Variants in GRIK2 observed in about 807,000 individuals in gnomAD.
GRIK2 encodes the protein glutamate receptor ionotropic, kainate 2.
A neutral mutation model predicts 100.3 loss-of-function variants in GRIK2; 32 were observed. The observed-to-expected ratio is 0.32, with a 90% CI of 0.24 to 0.43. The LOEUF is 0.43. Ranked by LOEUF, GRIK2 falls within the 20% of genes least tolerant of loss-of-function variation. GRIK2 has a pLI of 1.00. For synonymous variants in GRIK2, 417 were observed against 389.4 expected, an observed-to-expected ratio of 1.07 and a Z score of -0.83; for missense variants, 843 against 1,114.9, an observed-to-expected ratio of 0.76 and a Z score of 3.47.
intron 7 of GRIK2, among the ~76,000 whole-genome samples, chr6:101,743,964 A>T (rs547959647): frequency 6.6e-6 from 1 of 152,130 alleles, no homozygotes; most frequent in African/African-American, 2.4e-5. Context: ...TTATTTTGAG[A>T]TGGAGTCTCA....
chr6:101,790,635 C>T (rs1240210602), intron 7 of GRIK2, among the ~76,000 whole-genome samples: 1 of 147,494 alleles, frequency 6.8e-6, no homozygotes, highest in Non-Finnish European at 1.5e-5. Flanking sequence ...ATTTTTGCAT[C>T]AATGTTCATC....
chr6:101,496,140 T>C (rs896661894), intron 2 of GRIK2, among the ~76,000 whole-genome samples: 3 of 151,954 alleles, frequency 2.0e-5, no homozygotes, highest in African/African-American at 7.3e-5. Context: ...AGAGATGGGG[T>C]TTCACCATGT....
At chr6:101,628,312 A>AGAAT (rs1296649381) in intron 4 of GRIK2, among the ~76,000 whole-genome samples, 5 of 152,048 alleles carry the variant, frequency 3.3e-5, no homozygotes, top group Non-Finnish European at 7.4e-5. Context: ...TCAATTAGAT[A>AGAAT]AGAAAGAGTG....
chr6:101,924,647 T>C lies in GRIK2; in HGVS notation c.1795T>C (p.Ser599Pro). The change falls in exon 13 of 17, where the codon TCA becomes CCA. Residue 599 changes from serine to proline, a missense_variant. Physicochemically the swap from Ser to Pro is moderately conservative, Grantham distance 74 (BLOSUM62 -1). Coordinates refer to ENST00000369134, the MANE Select transcript of GRIK2 (RefSeq NM_021956.5). ...TAATCCACACCCTTGCAACCCTGAC[T>C]CAGACGTGGTGGAAAACAATTTTAC... ...WYNPHPCNPD[S>P]DVVENNFTLL... 6.2e-7 allele frequency: 1 copy of C among 1,611,910 alleles called. No individual in the cohort carries two copies. Among genetic ancestry groups the C allele is most frequent in the Non-Finnish European group, 8.5e-7 (1 of 1,177,962 alleles).
intron 7 of GRIK2, among the ~76,000 whole-genome samples, chr6:101,689,872 C>A (rs1056672973): frequency 6.6e-6 from 1 of 152,144 alleles, no homozygotes; most frequent in Non-Finnish European, 1.5e-5. Flanking sequence ...TCTTTTCATG[C>A]TCCTAGAGGT....
chr6:101,936,717 G>A (rs1790640734), intron 14 of GRIK2, among the ~76,000 whole-genome samples: 1 of 152,094 alleles, frequency 6.6e-6, no homozygotes, highest in Non-Finnish European at 1.5e-5. Flanking sequence ...TGCTTCATCA[G>A]ACACTAGTTC....
At chr6:101,909,829 TA>T (rs1788546812) in intron 12 of GRIK2, among the ~76,000 whole-genome samples, 2 of 151,142 alleles carry the variant, frequency 1.3e-5, no homozygotes, top group Admixed American at 6.6e-5. Flanking sequence ...CCAGAATTCA[TA>T]AACAATTCTC....
rs1772153985 is a variant in GRIK2, at chr6:102,069,154, CTG to C, written c.*647_*648del. On this transcript the variant is annotated 3_prime_UTR_variant, in exon 17 of 17. Coordinates refer to ENST00000369134, the MANE Select transcript of GRIK2 (RefSeq NM_021956.5). ...TTTTCTTATTTTTTTTTTTGACAGT[CTG>C]TGTCACTGATTGAGATAGAAATGCC... 6.7e-6 allele frequency: 1 copy of C among 149,002 alleles called. No individual in the cohort carries two copies. The allele number at this position is 149,002 out of a possible 1,614,324, so 9.2% of individuals were successfully genotyped here. A position where few individuals can be genotyped will look rare whatever the true frequency, so the allele number is the denominator to read the frequency against.
chr6:102,024,842 T>C (rs1214310824), intron 14 of GRIK2, among the ~76,000 whole-genome samples: 1 of 150,826 alleles, frequency 6.6e-6, no homozygotes, highest in Non-Finnish European at 1.5e-5. Context: ...ATGAGAAAAA[T>C]AAGTACAAGT....
At chr6:101,404,534 G>A (rs945180323) in intron 2 of GRIK2, among the ~76,000 whole-genome samples, 8 of 152,134 alleles carry the variant, frequency 5.3e-5, no homozygotes, top group East Asian at 1.9e-4. Flanking sequence ...TACATTTATT[G>A]CCTGGAAATT....
rs570722760 is a variant in GRIK2 at position 101,913,106 on chromosome 6, T to C, written c.1749-11495T>C. ...AGAAGTAGATCACAAAAAAGACAGG[T>C]AGACTGGGTAAACAAGGAATTCATA... is the stretch of plus-strand genomic sequence containing the variant. On this transcript the variant is annotated intron_variant, in intron 12 of 16. Coordinates refer to ENST00000369134, the MANE Select transcript of GRIK2 (RefSeq NM_021956.5). 8.6e-5 allele frequency among the ~76,000 whole-genome samples: 13 copies of C among 151,630 alleles called. No homozygotes were observed. The East Asian group carries it at 2.5e-3, about 29-fold the overall frequency.
chr6:101,659,321 C>T (rs957638250), intron 4 of GRIK2, among the ~76,000 whole-genome samples: 4 of 152,088 alleles, frequency 2.6e-5, no homozygotes, highest in African/African-American at 7.2e-5. Flanking sequence ...TAGTTGCTTG[C>T]AGATGTGTGA....
At chr6:101,444,769 T>A (rs1770270957) in intron 2 of GRIK2, among the ~76,000 whole-genome samples, 2 of 152,136 alleles carry the variant, frequency 1.3e-5, no homozygotes, top group African/African-American at 2.4e-5. Flanking sequence ...TGCTCACTAC[T>A]CCTTGCCTCA....
At chr6:101,582,530 C>T (rs933041300) in intron 2 of GRIK2, among the ~76,000 whole-genome samples, 2 of 152,140 alleles carry the variant, frequency 1.3e-5, no homozygotes, top group Non-Finnish European at 2.9e-5. Context: ...CCTTGCAGAA[C>T]TGTGAGTCAG....
chr6:101,998,640 A>AT (rs1410039883), intron 14 of GRIK2, among the ~76,000 whole-genome samples: 1 of 151,930 alleles, frequency 6.6e-6, no homozygotes, highest in African/African-American at 2.4e-5. Flanking sequence ...TTTTGAGTTA[A>AT]TTTTTTGTAC....
intron 12 of GRIK2, among the ~76,000 whole-genome samples, chr6:101,891,879 A>G (rs1211953707): frequency 1.3e-5 from 2 of 152,080 alleles, no homozygotes; most frequent in Non-Finnish European, 2.9e-5. Context: ...CTTTAGACCA[A>G]CTGCATCTTT....
intron 14 of GRIK2, among the ~76,000 whole-genome samples, chr6:101,933,522 G>T (rs1041180096): frequency 6.6e-6 from 1 of 151,868 alleles, no homozygotes; most frequent in Non-Finnish European, 1.5e-5. Context: ...ACTACAACGT[G>T]TAATTAAAAA....
intron 2 of GRIK2, among the ~76,000 whole-genome samples, chr6:101,500,914 T>G (rs552536280): frequency 1.3e-5 from 2 of 148,742 alleles, no homozygotes; most frequent in Admixed American, 1.4e-4. Flanking sequence ...GTTCACTGAC[T>G]GTGCTTGATG....
At chr6:101,531,528 C>G (rs114274329) in intron 2 of GRIK2, among the ~76,000 whole-genome samples, 1,825 of 151,836 alleles carry the variant, frequency 0.012, 38 homozygotes, top group African/African-American at 0.042. Flanking sequence ...TACAATAGAA[C>G]CTCCTTCTCC....
Sources: allele counts gnomAD v4.1 joint callset (sites outside exome capture counted in the v4.1 genomes callset), GRCh38; gene constraint gnomAD v4.1.1; transcripts MANE v1.5; gene names NCBI Gene and HGNC (gene_info 2026-07-23, HGNC 2026-07-21).